GAS2L3: variants seen among roughly 807,000 people sequenced by gnomAD.
GAS2L3 encodes growth arrest specific 2 like 3, also known as GAS2-like protein 3.
A neutral mutation model predicts 37.0 loss-of-function variants in GAS2L3; 28 were observed. That is an observed-to-expected ratio of 0.76 (90% CI 0.56 to 1.04). The LOEUF (loss-of-function observed/expected upper bound fraction) is 1.04. Among genes scored for constraint, GAS2L3 ranks in the 50% least tolerant of loss-of-function variants. The probability of loss-of-function intolerance (pLI) is 0.00; values close to 1 mark genes in which losing one functional copy is unlikely to be tolerated. For missense variants in GAS2L3, 793 were observed against 817.6 expected (o/e 0.97, Z 0.37); for synonymous variants, 290 against 296.6 (o/e 0.98, Z 0.23).
chr12:100,604,365 G>A (rs1956029538), intron 5 of GAS2L3, among the ~76,000 whole-genome samples: 1 of 151,350 alleles, frequency 6.6e-6, no homozygotes. Flanking sequence ...GCTGTAAATG[G>A]GATTACTTTT....
At chr12:100,600,730 C>T (rs1955977677) in intron 4 of GAS2L3, among the ~76,000 whole-genome samples, 180 bp downstream of exon 4, 1 of 152,146 alleles carries the variant, frequency 6.6e-6, no homozygotes, top group African/African-American at 2.4e-5. Flanking sequence ...TCTGATTCAC[C>T]CTGAACCTTG....
chr12:100,615,154 C>T (rs1193003650), intron 6 of GAS2L3, among the ~76,000 whole-genome samples: 3 of 152,162 alleles, frequency 2.0e-5, no homozygotes, highest in Non-Finnish European at 4.4e-5. Context: ...TTCTCCACAT[C>T]TTTGTCAATA....
intron 5 of GAS2L3, among the ~76,000 whole-genome samples, chr12:100,603,606 T>C (rs1956019990): frequency 6.6e-6 from 1 of 152,078 alleles, no homozygotes; most frequent in Non-Finnish European, 1.5e-5. Context: ...AAGGTGTTGT[T>C]TCCTTTACTG....
At chr12:100,593,565 G>A (rs1463445530) in intron 2 of GAS2L3, 1 of 152,006 alleles carries the variant, frequency 6.6e-6, no homozygotes, top group East Asian at 1.9e-4. Flanking sequence ...TATAATTTAG[G>A]CTTTCTTTTG....
chr12:100,583,385 G>C (rs542084874), intron 1 of GAS2L3, among the ~76,000 whole-genome samples: 1 of 152,350 alleles, frequency 6.6e-6, no homozygotes, highest in African/African-American at 2.4e-5. Flanking sequence ...TGCCCACTGG[G>C]GCAGTTGTAT....
chr12:100,578,649 A>G (rs1593156100), intron 1 of GAS2L3: 1 of 279,764 alleles, frequency 3.6e-6, no homozygotes, highest in East Asian at 7.7e-5. Flanking sequence ...CAGCCGTGGG[A>G]GGTCCAGACA....
intron 8 of GAS2L3, among the ~76,000 whole-genome samples, chr12:100,621,775 C>T (rs924587234): frequency 6.7e-6 from 1 of 149,050 alleles, no homozygotes; most frequent in Non-Finnish European, 1.5e-5. Context: ...TAAATTCAAG[C>T]TTAATAACGA....
At chr12:100,601,853 C>A (rs1323402792) in intron 5 of GAS2L3, 100 bp downstream of exon 5, 2 of 538,834 alleles carry the variant, frequency 3.7e-6, no homozygotes, top group Non-Finnish European at 6.6e-6. Context: ...TGCCAACTGG[C>A]TATGAGATGT....
intron 1 of GAS2L3, among the ~76,000 whole-genome samples, chr12:100,586,326 A>C (rs1252165561): frequency 1.3e-5 from 2 of 152,238 alleles, no homozygotes; most frequent in African/African-American, 4.8e-5. Context: ...ACCATGTAAT[A>C]GGGCATAAAA....
At chr12:100,613,029 A>C (rs749441576) in intron 6 of GAS2L3, among the ~76,000 whole-genome samples, 14 of 152,124 alleles carry the variant, frequency 9.2e-5, no homozygotes, top group Non-Finnish European at 1.6e-4. Flanking sequence ...TAGAGCAAGC[A>C]TGGGATGCTA....
At chr12:100,617,487 A>C (rs1462433707) in intron 6 of GAS2L3, among the ~76,000 whole-genome samples, 1 of 152,096 alleles carries the variant, frequency 6.6e-6, no homozygotes, top group Non-Finnish European at 1.5e-5. Flanking sequence ...CTAAGCCCTC[A>C]ATTTTTTAGA....
chr12:100,617,595 A>C, intron 6 of GAS2L3, 149 bp from the exon 7 acceptor site: 2 of 600,268 alleles, frequency 3.3e-6, no homozygotes, highest in South Asian at 2.1e-5. Context: ...ATAAGTAGAA[A>C]AAATAAAAGT....
chr12:100,607,192 G>T (rs1956067534), intron 5 of GAS2L3, among the ~76,000 whole-genome samples: 1 of 152,054 alleles, frequency 6.6e-6, no homozygotes, highest in African/African-American at 2.4e-5. Flanking sequence ...TATTTTCACT[G>T]GGTATGCTAT....
intron 3 of GAS2L3, among the ~76,000 whole-genome samples, chr12:100,596,398 C>A (rs558899888): frequency 6.6e-6 from 1 of 152,140 alleles, no homozygotes; most frequent in East Asian, 1.9e-4. Flanking sequence ...ATTTTCTTAA[C>A]ATGGTAGATT....
intron 6 of GAS2L3, chr12:100,612,367 T>C: frequency 2.3e-6 from 1 of 439,418 alleles, no homozygotes. Flanking sequence ...CCTAAAATTC[T>C]GAATTCCTAA....
At chr12:100,599,518 A>G (rs1955957442) in intron 3 of GAS2L3, among the ~76,000 whole-genome samples, 1 of 152,216 alleles carries the variant, frequency 6.6e-6, no homozygotes. Flanking sequence ...TGGGCTTACA[A>G]AATAGGTGAG....
chr12:100,623,651 A>G lies in GAS2L3; in HGVS notation c.846A>G (p.Ile282Met). 3 of 1,613,946 alleles carry G rather than the reference A, an allele frequency of 1.9e-6. No homozygotes were observed. The highest frequency in any genetic ancestry group is 1.1e-5 in the South Asian group (1 of 91,072). The change falls in exon 10 of 10, where the codon ATA (isoleucine) becomes ATG (methionine). Residue 282 changes from isoleucine to methionine, a missense_variant. Coordinates refer to ENST00000547754, the MANE Select transcript of GAS2L3 (RefSeq NM_174942.3). ...TGCTTAAATATGACCCCTGTCGAAT[A>G]TTACAGTTTGCCACATTAGAACAAA... ...GFLLKYDPCR[I>M]LQFATLEQKI...
At chr12:100,615,110 T>G in intron 6 of GAS2L3, among the ~76,000 whole-genome samples, 1 of 152,238 alleles carries the variant, frequency 6.6e-6, no homozygotes, top group East Asian at 1.9e-4. Context: ...CTGCACCATT[T>G]TACATTTCTG....
rs1294866536 is a variant in GAS2L3 at position 100,626,595 on chromosome 12, C to G, written c.*1705C>G. On this transcript the variant is annotated 3_prime_UTR_variant, in exon 10 of 10. Coordinates refer to ENST00000547754, the MANE Select transcript of GAS2L3 (RefSeq NM_174942.3). ...AGGAAGAATTTTATCATCAAGTATT[C>G]CCTTATAAAACCAAGTAACACTTCT... 1 of 152,118 alleles carries G rather than the reference C, an allele frequency of 6.6e-6. No homozygotes were observed. The highest frequency in any genetic ancestry group is 2.1e-4 in the South Asian group (1 of 4,814). 9.4% of individuals were successfully genotyped at this position (152,118 alleles called of 1,614,324 possible). A position where few individuals can be genotyped will look rare whatever the true frequency, so the allele number is the denominator to read the frequency against.
Sources: allele counts gnomAD v4.1 joint callset (sites outside exome capture counted in the v4.1 genomes callset), GRCh38; gene constraint gnomAD v4.1.1; transcripts MANE v1.5; gene names NCBI Gene and HGNC (gene_info 2026-07-23, HGNC 2026-07-21).